CHRNB2: variants seen among roughly 807,000 people sequenced by gnomAD.
CHRNB2 encodes the protein neuronal acetylcholine receptor subunit beta-2.
A neutral mutation model predicts 42.7 loss-of-function variants in CHRNB2; 33 were observed. The observed-to-expected ratio is 0.77, with a 90% CI of 0.59 to 1.03. The LOEUF (loss-of-function observed/expected upper bound fraction) is 1.03, where lower values mean the gene tolerates loss of function less well. Among genes scored for constraint, CHRNB2 ranks in the 50% least tolerant of loss-of-function variants. CHRNB2 has a pLI of 0.00. For synonymous variants in CHRNB2, 325 were observed against 292.9 expected (o/e 1.11, Z -1.12); for missense variants, 603 against 700.9 (o/e 0.86, Z 1.58).
intron 5 of CHRNB2, among the ~76,000 whole-genome samples, chr1:154,573,360 T>A (rs574509817): frequency 1.3e-5 from 2 of 152,330 alleles, no homozygotes; most frequent in African/African-American, 4.8e-5. Flanking sequence ...CTCAACATGC[T>A]CAAAACTGAG....
chr1:154,569,979 G>A, intron 3 of CHRNB2, 143 bp downstream of exon 3: 1 of 913,380 alleles, frequency 1.1e-6, no homozygotes, highest in South Asian at 1.5e-5. Context: ...TTTGAATCTT[G>A]GCACTCACCA....
At position 154,571,841 on chromosome 1, in the gene CHRNB2, C is replaced by T. The variant is rs2101521714; in HGVS notation, c.1018C>T (p.Leu340=). The part of the protein sequence containing the change: ...TMAPWVKVVF[L]EKLPALLFMQ... ...GGCGCCCTGGGTGAAGGTCGTCTTC[C>T]TGGAGAAGCTGCCCGCGCTGCTCTT... Residue 340 remains leucine, a synonymous_variant, in exon 5 of 6, where the codon CTG becomes TTG. Transcript: ENST00000368476. The surrounding 1 kb of genome is among the most constrained non-coding windows in gnomAD (Gnocchi z 6.8). 6.2e-7 allele frequency: 1 copy of T among 1,612,194 alleles called. No individual in the cohort carries two copies. Among genetic ancestry groups the T allele is most frequent in the Non-Finnish European group, 8.5e-7 (1 of 1,179,800 alleles).
rs914784232 is a variant in CHRNB2, at chr1:154,579,399, T to G, written c.*3467T>G. On this transcript the variant is annotated 3_prime_UTR_variant, in exon 6 of 6. Coordinates refer to ENST00000368476, the MANE Select transcript of CHRNB2 (RefSeq NM_000748.3). ...GACAGCTAGTGAGTAGTGCTGGGCC[T>G]GAACCCCAAAGTCCACACTCTTGCT... 7.9e-5 allele frequency: 12 copies of G among 152,262 alleles called. No homozygotes were observed. The highest frequency in any genetic ancestry group is 2.9e-4 in the African/African-American group (12 of 41,448). 9.4% of individuals were successfully genotyped at this position (152,262 alleles called of 1,614,324 possible). A position where few individuals can be genotyped will look rare whatever the true frequency, so the allele number is the denominator to read the frequency against.
intron 3 of CHRNB2, 79 bp from the exon 4 acceptor site, chr1:154,570,179 G>T (rs752379736): frequency 1.2e-5 from 11 of 934,756 alleles, no homozygotes; most frequent in Non-Finnish European, 1.9e-5. Flanking sequence ...AGCCATATGG[G>T]CCCCCTCTAG....
At position 154,572,072 on chromosome 1, in the gene CHRNB2, G is replaced by A. The variant is rs1057520852; in HGVS notation, c.1249G>A (p.Gly417Arg). 2 of 1,535,490 alleles carry A rather than the reference G, an allele frequency of 1.3e-6. No individual in the cohort carries two copies. Residue 417 changes from glycine to arginine, a missense_variant, in exon 5 of 6, where the codon GGG (glycine) becomes AGG (arginine). Physicochemically the swap from Gly to Arg is moderately radical, Grantham distance 125. Around this residue, in one of 2 missense-constraint regions of CHRNB2, gnomAD observed 270 missense variants for 248.3 expected, o/e 1.09. Coordinates refer to ENST00000368476, the MANE Select transcript of CHRNB2 (RefSeq NM_000748.3). ...ACCAGTGGCGGGCCCCGGGCGCTCA[G>A]GGGAGCCGTGTGGCTGTGGCCTCCG... ...PAPVAGPGRS[G>R]EPCGCGLREA...
rs532168074 is a variant in CHRNB2 at position 154,578,036 on chromosome 1, G to A, written c.*2104G>A. 2 of 152,436 alleles carry A rather than the reference G, an allele frequency of 1.3e-5. No homozygotes were observed. Among genetic ancestry groups the A allele is most frequent in the South Asian group, 4.1e-4 (2 of 4,836 alleles). The allele number at this position is 152,436 out of a possible 1,614,324, so 9.4% of individuals were successfully genotyped here. A position where few individuals can be genotyped will look rare whatever the true frequency, so the allele number is the denominator to read the frequency against. On this transcript the variant is annotated 3_prime_UTR_variant, in exon 6 of 6. Transcript: ENST00000368476. ...TCACGGACACCTTTTCTTGGTAGCA[G>A]GGAGTGTCTCTGCACTATGGAAACT...
chr1:154,570,678 C>T (rs1403813406), intron 4 of CHRNB2, among the ~76,000 whole-genome samples: 1 of 152,082 alleles, frequency 6.6e-6, no homozygotes, highest in Non-Finnish European at 1.5e-5. Flanking sequence ...TTCCTGGAAG[C>T]CTGGGAAGGA....
rs1284002598 is a variant in CHRNB2 at position 154,572,111 on chromosome 1, G to A, written c.1288G>A (p.Gly430Ser). Residue 430 changes from glycine (G) to serine (S), a missense_variant, in exon 5 of 6, where the codon GGC becomes AGC. Transcript: ENST00000368476. Reference protein sequence around the residue: ...CGCGLREAVDGVRFIADHMRS... With the variant: ...CGCGLREAVDSVRFIADHMRS... Reference sequence around the variant, plus strand: ...CTGTGGCCTCCGGGAGGCGGTGGACGGCGTGCGCTTCATCGCAGACCACAT... The same window carrying A: ...CTGTGGCCTCCGGGAGGCGGTGGACAGCGTGCGCTTCATCGCAGACCACAT... 33 of 1,537,130 alleles carry A rather than the reference G, an allele frequency of 2.1e-5. No homozygotes were observed. Among genetic ancestry groups the A allele is most frequent in the Non-Finnish European group, 2.6e-5 (30 of 1,146,652 alleles).
At chr1:154,568,156 G>GC in intron 1 of CHRNB2, 48 bp downstream of exon 1, 1 of 1,561,232 alleles carries the variant, frequency 6.4e-7, no homozygotes, top group Non-Finnish European at 8.7e-7. Flanking sequence ...CCAGCCAACG[G>GC]CCCAAGACTC....
At position 154,578,957 on chromosome 1, in the gene CHRNB2, T is replaced by C. The variant is rs1161511722; in HGVS notation, c.*3025T>C. The C allele has an allele frequency of 6.6e-6, 1 of 152,236 alleles. No homozygotes were observed. Among genetic ancestry groups the C allele is most frequent in the Non-Finnish European group, 1.5e-5 (1 of 68,044 alleles). The allele number at this position is 152,236 out of a possible 1,614,324, so 9.4% of individuals were successfully genotyped here. A position where few individuals can be genotyped will look rare whatever the true frequency, so the allele number is the denominator to read the frequency against. ...GCCACAGGTGATCTGAGAACTATTT[T>C]TGTCTGAAAAGAAGGCATGCACAGG... On this transcript the variant is annotated 3_prime_UTR_variant, in exon 6 of 6. Transcript: ENST00000368476.
chr1:154,571,557 G>T lies in CHRNB2; in HGVS notation c.734G>T (p.Cys245Phe), dbSNP rs201130412. 1 of 1,614,180 alleles carries T rather than the reference G, an allele frequency of 6.2e-7. No homozygotes were observed. Among genetic ancestry groups the T allele is most frequent in the East Asian group, 2.2e-5 (1 of 44,878 alleles). The stretch of plus-strand genomic sequence containing the variant: ...TACACCATCAACCTCATCATCCCCT[G>T]TGTGCTCATCACCTCGCTAGCCATC... ...LFYTINLIIP[C>F]VLITSLAILV... The change falls in exon 5 of 6, where the codon TGT (cysteine) becomes TTT (phenylalanine). Residue 245 changes from cysteine to phenylalanine, a missense_variant. Around this residue, in one of 2 missense-constraint regions of CHRNB2, gnomAD observed 333 missense variants for 452.6 expected, o/e 0.74. Coordinates refer to ENST00000368476, the MANE Select transcript of CHRNB2 (RefSeq NM_000748.3). This position sits in a 1 kb window ranked among gnomAD's most constrained non-coding sequence, Gnocchi z 6.8.
chr1:154,568,192 G>A (rs1696096523), intron 1 of CHRNB2, 84 bp downstream of exon 1: 2 of 1,472,786 alleles, frequency 1.4e-6, no homozygotes, highest in African/African-American at 2.8e-5. Flanking sequence ...ACCCCTGCTA[G>A]GCCGGAAGGT....
At position 154,567,953 on chromosome 1, in the gene CHRNB2, C is replaced by G; in HGVS notation, c.-92C>G. On this transcript the variant is annotated 5_prime_UTR_variant, in exon 1 of 6. Coordinates refer to ENST00000368476, the MANE Select transcript of CHRNB2 (RefSeq NM_000748.3). ...TGGACCCAGCTCCAGGCGGGCGCGG[C>G]TTCAGCACCACGGACAGCGCCCCAC... The G allele has an allele frequency of 8.0e-7, 1 of 1,249,864 alleles. No individual in the cohort carries two copies. Among genetic ancestry groups the G allele is most frequent in the Non-Finnish European group, 1.0e-6 (1 of 957,380 alleles). 77.4% of individuals were successfully genotyped at this position (1,249,864 alleles called of 1,614,324 possible). A position where few individuals can be genotyped will look rare whatever the true frequency, so the allele number is the denominator to read the frequency against.
At position 154,567,964 on chromosome 1, in the gene CHRNB2, C is replaced by A. The variant is rs955491421; in HGVS notation, c.-81C>A. The A allele has an allele frequency of 3.1e-5, 41 of 1,335,868 alleles. No individual in the cohort carries two copies. Among genetic ancestry groups the A allele is most frequent in the Non-Finnish European group, 4.0e-5 (41 of 1,025,596 alleles). The allele number at this position is 1,335,868 out of a possible 1,614,324, so 82.8% of individuals were successfully genotyped here. ...CCAGGCGGGCGCGGCTTCAGCACCA[C>A]GGACAGCGCCCCACCCGCGGCCCTC... On this transcript the variant is annotated 5_prime_UTR_variant, in exon 1 of 6. Transcript: ENST00000368476.
At position 154,571,878 on chromosome 1, in the gene CHRNB2, CA is replaced by C; in HGVS notation, c.1056del (p.Arg353AlafsTer95). ...KLPALLFMQQ[P>X]RHHCARQRLR... is the part of the protein sequence containing the mutation. ...CCCGCGCTGCTCTTCATGCAGCAGCCACGCCATCATTGCGCCCGTCAGCGCC... is the reference window on the plus strand; with the variant it reads ...CCCGCGCTGCTCTTCATGCAGCAGCCCGCCATCATTGCGCCCGTCAGCGCC... On this transcript the variant is annotated frameshift_variant, in exon 5 of 6. Transcript: ENST00000368476. LOFTEE classifies it high-confidence loss of function. This position sits in a 1 kb window ranked among gnomAD's most constrained non-coding sequence, Gnocchi z 6.8. 6.3e-7 allele frequency: 1 copy of C among 1,599,716 alleles called. No homozygotes were observed. The highest frequency in any genetic ancestry group is 8.5e-7 in the Non-Finnish European group (1 of 1,175,922).
chr1:154,577,366 G>T lies in CHRNB2; in HGVS notation c.*1434G>T, dbSNP rs1240660839. 1 of 152,302 alleles carries T rather than the reference G, an allele frequency of 6.6e-6. No homozygotes were observed. The highest frequency in any genetic ancestry group is 1.9e-4 in the East Asian group (1 of 5,200). The allele number at this position is 152,302 out of a possible 1,614,324, so 9.4% of individuals were successfully genotyped here. ...TCCTGCTTCTCTAGGCAGGGCAGAG[G>T]GAGGAGACACAGCACAGGCACAGAG... On this transcript the variant is annotated 3_prime_UTR_variant, in exon 6 of 6. Transcript: ENST00000368476.
At position 154,575,743 on chromosome 1, in the gene CHRNB2, C is replaced by A. The variant is rs780794041; in HGVS notation, c.1339-19C>A. 1 of 1,614,072 alleles carries A rather than the reference C, an allele frequency of 6.2e-7. No homozygotes were observed. The highest frequency in any genetic ancestry group is 2.2e-5 in the East Asian group (1 of 44,876). On this transcript the variant is annotated intron_variant, in intron 5 of 5. Transcript: ENST00000368476. ...TCCTGCATCATGTGACCTGGGCCTC[C>A]TCCGTCTCCTCCATCCAGGTGAGTG...
rs1276195645 is a variant in CHRNB2 at position 154,569,565 on chromosome 1, G to A, written c.168G>A (p.Val56=). 4 of 1,614,140 alleles carry A rather than the reference G, an allele frequency of 2.5e-6. No individual in the cohort carries two copies. The East Asian group carries it at 8.9e-5, about 36-fold the overall frequency. Residue 56 remains valine, a synonymous_variant, in exon 2 of 6, where the codon GTG becomes GTA. Transcript: ENST00000368476. ...IRPATNGSEL[V]TVQLMVSLAQ... ...CAGCCACCAATGGCTCTGAGCTGGT[G>A]ACAGTACAGCTTATGGTGTCACTGG...
In CHRNB2 at chr1:154,571,467, A is replaced by AC; in HGVS notation, c.648dup (p.Asp217ArgfsTer11). 6.2e-7 allele frequency: 1 copy of AC among 1,613,808 alleles called. No individual in the cohort carries two copies. Among genetic ancestry groups the AC allele is most frequent in the Non-Finnish European group, 8.5e-7 (1 of 1,179,976 alleles). On this transcript the variant is annotated frameshift_variant, in exon 5 of 6. Transcript: ENST00000368476. LOFTEE classifies it high-confidence loss of function. The surrounding 1 kb of genome is among the most constrained non-coding windows in gnomAD (Gnocchi z 6.8). ...GCGCTGCCGGGCCGGCGCAACGAGAACCCCGACGACTCTACGTACGTGGAC... is the reference window on the plus strand; with the variant it reads ...GCGCTGCCGGGCCGGCGCAACGAGAACCCCCGACGACTCTACGTACGTGGAC...
Sources: allele counts gnomAD v4.1 joint callset (sites outside exome capture counted in the v4.1 genomes callset), GRCh38; gene constraint gnomAD v4.1.1; regional missense constraint gnomAD v4.1.1; non-coding constraint Gnocchi (gnomAD v3.1); transcripts MANE v1.5; gene names NCBI Gene and HGNC (gene_info 2026-07-23, HGNC 2026-07-21).